MGAT4A: variants seen among roughly 807,000 people sequenced by gnomAD.
The protein encoded by MGAT4A is N-acetylglucosaminyltransferase IVa.
Under a neutral mutation model 74.1 loss-of-function variants are expected in MGAT4A, and 33 were observed. The ratio of observed to expected loss-of-function variants is 0.45; its 90% CI spans 0.34 to 0.60. The LOEUF (loss-of-function observed/expected upper bound fraction) is 0.60, where lower values mean the gene tolerates loss of function less well. MGAT4A is among the 20% of genes least tolerant of loss of function. The pLI, the probability that MGAT4A is intolerant of heterozygous loss-of-function variation, is 0.02. For synonymous variants in MGAT4A, 198 were observed against 210.4 expected, an observed-to-expected ratio of 0.94 and a Z score of 0.51; for missense variants, 479 against 628.3, an observed-to-expected ratio of 0.76 and a Z score of 2.54.
At chr2:98,689,928 T>A (rs918295483) in intron 2 of MGAT4A, among the ~76,000 whole-genome samples, 2 of 152,074 alleles carry the variant, frequency 1.3e-5, no homozygotes, top group Admixed American at 6.5e-5. Flanking sequence ...AGTAGTGAGT[T>A]CTCTGAATTT....
chr2:98,636,617 TA>T (rs2104228003), intron 12 of MGAT4A, 22 bp from the exon 13 acceptor site: 1 of 1,593,354 alleles, frequency 6.3e-7, no homozygotes, highest in East Asian at 2.2e-5. Context: ...AACATCAAAA[TA>T]AAAACACAAG....
At chr2:98,710,468 G>GT (rs1702500632) in intron 2 of MGAT4A, among the ~76,000 whole-genome samples, 1 of 151,926 alleles carries the variant, frequency 6.6e-6, no homozygotes. Context: ...GGTTGTTGTT[G>GT]TTTTTTGTTT....
intron 7 of MGAT4A, 164 bp downstream of exon 7, chr2:98,656,188 G>T: frequency 1.8e-6 from 1 of 558,984 alleles, no homozygotes; most frequent in Non-Finnish European, 3.1e-6. Context: ...CATATTCTAA[G>T]AAAACTCTAC....
At chr2:98,661,144 C>G (rs1218615535) in intron 5 of MGAT4A, among the ~76,000 whole-genome samples, 1 of 152,126 alleles carries the variant, frequency 6.6e-6, no homozygotes. Context: ...AAATGGCCAA[C>G]AGATATACGA....
At chr2:98,637,548 A>T (rs1701341017) in intron 12 of MGAT4A, among the ~76,000 whole-genome samples, 1 of 152,168 alleles carries the variant, frequency 6.6e-6, no homozygotes, top group South Asian at 2.1e-4. Flanking sequence ...GATACTCTGA[A>T]AACAAACTAG....
At chr2:98,640,254 G>C in intron 10 of MGAT4A, 26 bp from the exon 11 acceptor site, 6 of 1,552,910 alleles carry the variant, frequency 3.9e-6, no homozygotes, top group Non-Finnish European at 5.3e-6. Context: ...AATCACGTTA[G>C]TGTTGCATCA....
intron 2 of MGAT4A, among the ~76,000 whole-genome samples, chr2:98,680,099 G>C (rs1312681250): frequency 7.0e-6 from 1 of 143,098 alleles, no homozygotes; most frequent in Non-Finnish European, 1.5e-5. Context: ...TGAGTACAGT[G>C]GCGCGATCTC....
chr2:98,722,256 A>T (rs913149941), intron 2 of MGAT4A, among the ~76,000 whole-genome samples: 4 of 152,240 alleles, frequency 2.6e-5, no homozygotes, highest in African/African-American at 9.6e-5. Context: ...CCCAAAGTTC[A>T]CCAGCGGATG....
intron 13 of MGAT4A, among the ~76,000 whole-genome samples, chr2:98,635,689 C>T (rs1264684249): frequency 6.6e-6 from 1 of 151,996 alleles, no homozygotes; most frequent in African/African-American, 2.4e-5. Context: ...AGCAAGTAAA[C>T]ACTAAAGAAA....
intron 2 of MGAT4A, among the ~76,000 whole-genome samples, chr2:98,699,642 A>G (rs1575274660): frequency 6.6e-6 from 1 of 152,320 alleles, no homozygotes; most frequent in Non-Finnish European, 1.5e-5. Flanking sequence ...ACCATTACTT[A>G]TAAGATTAAG....
intron 8 of MGAT4A, among the ~76,000 whole-genome samples, chr2:98,649,068 G>T (rs769040411): frequency 6.6e-6 from 1 of 152,094 alleles, no homozygotes; most frequent in African/African-American, 2.4e-5. Flanking sequence ...ATTTGACTTC[G>T]AAAGAACTGA....
intron 2 of MGAT4A, among the ~76,000 whole-genome samples, chr2:98,712,213 T>C (rs985325550): frequency 1.3e-5 from 2 of 152,222 alleles, no homozygotes; most frequent in Non-Finnish European, 2.9e-5. Flanking sequence ...TTCTCCCCCA[T>C]TAAATTCCTA....
chr2:98,652,617 C>T (rs1470219177), intron 8 of MGAT4A, among the ~76,000 whole-genome samples: 2 of 151,992 alleles, frequency 1.3e-5, no homozygotes, highest in Non-Finnish European at 2.9e-5. Context: ...AGGCGTGGGC[C>T]ACCGTGCCCA....
intron 2 of MGAT4A, among the ~76,000 whole-genome samples, chr2:98,715,036 C>T (rs1056300511): frequency 1.6e-4 from 25 of 152,060 alleles, no homozygotes; most frequent in Non-Finnish European, 7.4e-5. Context: ...TGAAGGAGGG[C>T]TGGGCGTGGT....
At chr2:98,636,373 A>G (rs1701320716) in intron 13 of MGAT4A, 144 bp downstream of exon 13, 1 of 620,444 alleles carries the variant, frequency 1.6e-6, no homozygotes, top group Non-Finnish European at 2.8e-6. Flanking sequence ...AAAGTGCTTC[A>G]TATTTCAAAA....
At position 98,627,548 on chromosome 2, in the gene MGAT4A, G is replaced by C. The variant is rs1036927161; in HGVS notation, c.1469-1713C>G. On this transcript the variant is annotated intron_variant, in intron 14 of 15. Transcript: ENST00000393487. The stretch of plus-strand genomic sequence containing the variant: ...GTGCCACCACACCTGGCTAATTTTT[G>C]TATCTTTATTAGAGACGGGGTTTCA... Among the ~76,000 whole-genome samples, 65 of 152,064 alleles carry C rather than the reference G, an allele frequency of 4.3e-4. 2 individuals are homozygous for C. The highest frequency in any genetic ancestry group is 1.3e-4 in the Non-Finnish European group (9 of 67,992).
chr2:98,712,553 G>T (rs946405956), intron 2 of MGAT4A, among the ~76,000 whole-genome samples: 5 of 152,170 alleles, frequency 3.3e-5, no homozygotes, highest in African/African-American at 1.2e-4. Flanking sequence ...ACAACTCATA[G>T]AGCTGTACAC....
At chr2:98,667,732 G>GTTGTTGTTGTTA (rs1250356799) in intron 4 of MGAT4A, among the ~76,000 whole-genome samples, 1 of 149,486 alleles carries the variant, frequency 6.7e-6, no homozygotes, top group African/African-American at 2.5e-5. Context: ...TGTTGTTGTT[G>GTTGTTGTTGTTA]TTTTGAGACA....
intron 4 of MGAT4A, among the ~76,000 whole-genome samples, 154 bp downstream of exon 4, chr2:98,674,881 T>A (rs557261549): frequency 5.3e-5 from 8 of 152,324 alleles, no homozygotes; most frequent in African/African-American, 1.7e-4. Context: ...AATGTCCAAT[T>A]CCTTTCAACA....
Sources: allele counts gnomAD v4.1 joint callset (sites outside exome capture counted in the v4.1 genomes callset), GRCh38; gene constraint gnomAD v4.1.1; transcripts MANE v1.5; gene names NCBI Gene and HGNC (gene_info 2026-07-23, HGNC 2026-07-21).